The following DLG2 variants were observed in gnomAD, a reference collection of about 807,000 sequenced individuals.
DLG2 encodes discs large MAGUK scaffold protein 2.
A neutral mutation model predicts 132.5 loss-of-function variants in DLG2; 45 were observed. That is an observed-to-expected ratio of 0.34 (90% CI 0.27 to 0.44). The LOEUF (loss-of-function observed/expected upper bound fraction) is 0.44. DLG2 is among the 20% of genes least tolerant of loss of function. The pLI is 1.00. For missense variants in DLG2, 1,045 were observed against 1,196.9 expected (o/e 0.87, Z 1.87); for synonymous variants, 424 against 419.6 (o/e 1.01, Z -0.13).
intron 6 of DLG2, among the ~76,000 whole-genome samples, chr11:84,968,330 A>T (rs2053601943): frequency 6.6e-6 from 1 of 152,148 alleles, no homozygotes; most frequent in African/African-American, 2.4e-5. Context: ...GGAGAATATA[A>T]CAGAATAATA....
chr11:84,918,423 T>G (rs991223627), intron 6 of DLG2, among the ~76,000 whole-genome samples: 1 of 152,132 alleles, frequency 6.6e-6, no homozygotes. Flanking sequence ...ATAGACACCC[T>G]GTACTGTTTA....
chr11:85,442,604 G>A (rs1450063046), intron 3 of DLG2, among the ~76,000 whole-genome samples: 2 of 152,106 alleles, frequency 1.3e-5, no homozygotes, highest in Non-Finnish European at 2.9e-5. Flanking sequence ...GCTCGTGCCT[G>A]TAATCCCAGC....
At chr11:84,397,335 T>C (rs2098814154) in intron 7 of DLG2, among the ~76,000 whole-genome samples, 1 of 152,200 alleles carries the variant, frequency 6.6e-6, no homozygotes, top group African/African-American at 2.4e-5. Context: ...TATCACTTCA[T>C]TCTAAATTAT....
intron 6 of DLG2, among the ~76,000 whole-genome samples, chr11:85,061,509 T>C (rs972086626): frequency 6.6e-6 from 1 of 151,830 alleles, no homozygotes; most frequent in Non-Finnish European, 1.5e-5. Flanking sequence ...GCAAGTATCA[T>C]ATAGTTTGAA....
chr11:83,951,365 A>T (rs544044367), intron 14 of DLG2, among the ~76,000 whole-genome samples: 12 of 152,252 alleles, frequency 7.9e-5, no homozygotes, highest in Non-Finnish European at 7.4e-5. Flanking sequence ...ATAGCCCAGT[A>T]CAGGATGACA....
intron 3 of DLG2, among the ~76,000 whole-genome samples, chr11:85,440,600 A>T (rs754888625): frequency 2.3e-4 from 35 of 152,236 alleles, no homozygotes; most frequent in Non-Finnish European, 4.4e-4. Flanking sequence ...TTCTAGTAAT[A>T]GACTGTTTTT....
At chr11:84,273,171 T>G (rs748843254) in intron 7 of DLG2, 1 of 1,553,430 alleles carries the variant, frequency 6.4e-7, no homozygotes, top group Non-Finnish European at 8.7e-7. Context: ...GCATGTTGCA[T>G]AGCTTGTTCA....
chr11:83,518,476 G>C (rs1324002299), intron 21 of DLG2, among the ~76,000 whole-genome samples: 2 of 152,086 alleles, frequency 1.3e-5, no homozygotes, highest in African/African-American at 4.8e-5. Context: ...TCCCGGGTGA[G>C]GCAATGCCTC....
At chr11:84,869,777 G>A (rs1287611776) in intron 6 of DLG2, among the ~76,000 whole-genome samples, 4 of 152,144 alleles carry the variant, frequency 2.6e-5, no homozygotes, top group African/African-American at 9.7e-5. Context: ...TACCACGCCT[G>A]GGTTGGTAGA....
chr11:84,948,440 G>A (rs910788688), intron 6 of DLG2, among the ~76,000 whole-genome samples: 1 of 152,200 alleles, frequency 6.6e-6, no homozygotes, highest in African/African-American at 2.4e-5. Flanking sequence ...CATGACCAAA[G>A]AAAGCAAGGG....
chr11:85,384,367 T>A (rs573768565), intron 3 of DLG2, among the ~76,000 whole-genome samples: 10 of 152,152 alleles, frequency 6.6e-5, no homozygotes, highest in African/African-American at 2.4e-4. Flanking sequence ...CATATAGAAA[T>A]GCAAGGGATA....
intron 6 of DLG2, among the ~76,000 whole-genome samples, chr11:85,085,590 A>T (rs2067816533): frequency 6.6e-6 from 1 of 152,126 alleles, no homozygotes. Flanking sequence ...TTATTTTAAA[A>T]GTAGGAATGA....
intron 6 of DLG2, among the ~76,000 whole-genome samples, chr11:85,043,119 T>C (rs1453620020): frequency 6.6e-6 from 1 of 151,886 alleles, no homozygotes; most frequent in East Asian, 1.9e-4. Flanking sequence ...GATTTTCTAG[T>C]TCATGTAATA....
At chr11:84,158,227 C>T (rs1222581541) in intron 9 of DLG2, among the ~76,000 whole-genome samples, 1 of 151,948 alleles carries the variant, frequency 6.6e-6, no homozygotes. Flanking sequence ...CGACGTCCAG[C>T]TAAATTTTTG....
At chr11:83,675,895 G>C (rs1157795092) in intron 18 of DLG2, among the ~76,000 whole-genome samples, 1 of 152,084 alleles carries the variant, frequency 6.6e-6, no homozygotes, top group African/African-American at 2.4e-5. Context: ...TTAAGGACAT[G>C]CACCATCATA....
At chr11:83,577,837 T>G (rs1280128976) in intron 19 of DLG2, among the ~76,000 whole-genome samples, 4 of 126,080 alleles carry the variant, frequency 3.2e-5, no homozygotes, top group African/African-American at 1.2e-4. Context: ...AAATATATAT[T>G]ATATAATTAT....
At chr11:84,941,585 CACA>C (rs139029891) in intron 6 of DLG2, among the ~76,000 whole-genome samples, 2,476 of 152,182 alleles carry the variant, frequency 0.016, 57 homozygotes, top group African/African-American at 0.056. Context: ...CCCCCTTGAT[CACA>C]ACGAGTGATC....
chr11:85,425,103 A>T (rs940142877), intron 3 of DLG2, among the ~76,000 whole-genome samples: 1 of 152,226 alleles, frequency 6.6e-6, no homozygotes, highest in African/African-American at 2.4e-5. Flanking sequence ...ACTATATGTG[A>T]ATAACAGATT....
Position 85,276,757 on chromosome 11 carries a change from A to G in DLG2, c.186+8463T>C, listed in dbSNP as rs116433507. Among the ~76,000 whole-genome samples, 874 of 152,280 alleles carry G rather than the reference A, an allele frequency of 5.7e-3. 10 individuals carry two copies. Among genetic ancestry groups the G allele is most frequent in the African/African-American group, 0.02 (837 of 41,562 alleles). On this transcript the variant is annotated intron_variant, in intron 4 of 27. Coordinates refer to ENST00000376104, the MANE Select transcript of DLG2 (RefSeq NM_001142699.3). ...CAACATATCATTCTCTGACATCAAG[A>G]AAAATACAGTCAATCATCTACTTCA...
Sources: gnomAD v4.1 joint callset for allele counts (sites outside exome capture counted in the v4.1 genomes callset) on GRCh38, gnomAD v4.1.1 for gene constraint, MANE v1.5 for transcripts, NCBI Gene and HGNC (gene_info 2026-07-23, HGNC 2026-07-21) for gene names.